Variants in LYPLAL1 observed in about 807,000 individuals in gnomAD.
LYPLAL1 encodes the protein lysophospholipase like 1, also known as lysophospholipase-like protein 1.
In LYPLAL1, 23 loss-of-function variants were observed where a neutral mutation model predicts 19.7. The ratio of observed to expected loss-of-function variants is 1.17; its 90% CI spans 0.84 to 1.65. The LOEUF is 1.65. Ranked by LOEUF, LYPLAL1 falls within the 40% of genes most tolerant of loss-of-function variation. LYPLAL1 has a pLI of 0.00. For synonymous variants in LYPLAL1, 119 were observed against 96.3 expected (o/e 1.24, Z -1.38); for missense variants, 355 against 279.4 (o/e 1.27, Z -1.93).
At chr1:219,439,165 A>G in the LYPLAL1 span, among the ~76,000 whole-genome samples, 6 of 152,146 alleles carry the variant, frequency 3.9e-5, no homozygotes, top group Admixed American at 6.5e-5. Context: ...ATACTCCTGT[A>G]AGACTCAGAT....
chr1:219,230,994 T>C, the LYPLAL1 span, among the ~76,000 whole-genome samples: 1 of 152,330 alleles, frequency 6.6e-6, no homozygotes, highest in African/African-American at 2.4e-5. Context: ...CTTAAAAAAA[T>C]TACTTGTCAA....
chr1:219,394,275 A>AT, the LYPLAL1 span, among the ~76,000 whole-genome samples: 313 of 152,354 alleles, frequency 2.1e-3, 3 homozygotes, highest in African/African-American at 7.0e-3. Flanking sequence ...GAATTCAAAT[A>AT]TTTGTACAAT....
At chr1:219,238,779 T>C in the LYPLAL1 span, among the ~76,000 whole-genome samples, 1 of 152,128 alleles carries the variant, frequency 6.6e-6, no homozygotes, top group Admixed American at 6.5e-5. Flanking sequence ...CCTCAACTTA[T>C]TTAAAATTGT....
At chr1:219,223,997 T>G in the LYPLAL1 span, among the ~76,000 whole-genome samples, 1 of 152,182 alleles carries the variant, frequency 6.6e-6, no homozygotes, top group East Asian at 1.9e-4. Context: ...GTTCAGTTAT[T>G]GGCTTGTCCA....
intron 2 of LYPLAL1, among the ~76,000 whole-genome samples, chr1:219,190,079 G>C (rs1657025218): frequency 6.6e-6 from 1 of 151,512 alleles, no homozygotes; most frequent in Non-Finnish European, 1.5e-5. Context: ...AAAGAGATTA[G>C]TGGAACAAAA....
At chr1:219,363,306 G>A in the LYPLAL1 span, among the ~76,000 whole-genome samples, 1 of 151,992 alleles carries the variant, frequency 6.6e-6, no homozygotes, top group Non-Finnish European at 1.5e-5. Context: ...TTTAGCACTT[G>A]AAATATGCCT....
chr1:219,225,062 T>TA, the LYPLAL1 span, among the ~76,000 whole-genome samples: 4 of 152,146 alleles, frequency 2.6e-5, no homozygotes, highest in African/African-American at 9.7e-5. Flanking sequence ...TTTGACTCTA[T>TA]TGTTTCTTTT....
chr1:219,174,041 AC>A, intron 1 of LYPLAL1, 60 bp downstream of exon 1: 1 of 1,606,050 alleles, frequency 6.2e-7, no homozygotes. Flanking sequence ...CCCCTCGGTT[AC>A]CCCAGTATTG....
chr1:219,297,856 A>G, the LYPLAL1 span, among the ~76,000 whole-genome samples: 1 of 152,184 alleles, frequency 6.6e-6, no homozygotes, highest in South Asian at 2.1e-4. Context: ...CTAACACAAC[A>G]AACCTTTAGT....
At chr1:219,370,113 A>C in the LYPLAL1 span, among the ~76,000 whole-genome samples, 1 of 152,204 alleles carries the variant, frequency 6.6e-6, no homozygotes, top group East Asian at 1.9e-4. Flanking sequence ...CTCTTCAAAA[A>C]CATTAATGAA....
the LYPLAL1 span, among the ~76,000 whole-genome samples, chr1:219,298,151 A>T: frequency 6.6e-6 from 1 of 152,058 alleles, no homozygotes; most frequent in Non-Finnish European, 1.5e-5. Flanking sequence ...CTCTACTAAA[A>T]ACATAAAAAT....
the LYPLAL1 span, among the ~76,000 whole-genome samples, chr1:219,279,337 G>T: frequency 6.6e-6 from 1 of 152,136 alleles, no homozygotes; most frequent in African/African-American, 2.4e-5. Context: ...AAGAAATGGG[G>T]CACGCCATCA....
the LYPLAL1 span, among the ~76,000 whole-genome samples, chr1:219,240,272 C>A: frequency 6.6e-6 from 1 of 152,026 alleles, no homozygotes; most frequent in South Asian, 2.1e-4. Context: ...TTATAAATAT[C>A]TGCATATTGA....
At chr1:219,215,586 C>G (rs747934940), downstream of LYPLAL1, among the ~76,000 whole-genome samples, 3 of 152,114 alleles carry the variant, frequency 2.0e-5, no homozygotes, top group African/African-American at 7.2e-5. Context: ...CAGGACTTCT[C>G]TCTCTGTGCA....
the LYPLAL1 span, among the ~76,000 whole-genome samples, chr1:219,422,563 A>G: frequency 6.6e-6 from 1 of 152,188 alleles, no homozygotes; most frequent in Non-Finnish European, 1.5e-5. Flanking sequence ...ATATACAGAA[A>G]AATATAGTAG....
At chr1:219,386,767 A>G in the LYPLAL1 span, among the ~76,000 whole-genome samples, 13 of 152,318 alleles carry the variant, frequency 8.5e-5, no homozygotes, top group African/African-American at 2.9e-4. Context: ...TTCTAATCAA[A>G]GCAAATGACA....
At chr1:219,355,931 G>A in the LYPLAL1 span, among the ~76,000 whole-genome samples, 1 of 151,984 alleles carries the variant, frequency 6.6e-6, no homozygotes, top group Non-Finnish European at 1.5e-5. Context: ...TAAATATATG[G>A]AACAATGCTG....
the LYPLAL1 span, among the ~76,000 whole-genome samples, chr1:219,242,296 C>T: frequency 6.6e-6 from 1 of 152,134 alleles, no homozygotes. Flanking sequence ...TGGACTTAAA[C>T]CAACCACTGG....
the LYPLAL1 span, among the ~76,000 whole-genome samples, chr1:219,275,337 G>T: frequency 6.6e-6 from 1 of 152,064 alleles, no homozygotes; most frequent in African/African-American, 2.4e-5. Context: ...TCTTCCCACT[G>T]GTTCCCAAGT....
Sources: allele counts gnomAD v4.1 joint callset (sites outside exome capture counted in the v4.1 genomes callset), GRCh38; gene constraint gnomAD v4.1.1; transcripts MANE v1.5; gene names NCBI Gene and HGNC (gene_info 2026-07-23, HGNC 2026-07-21).